Variants in SMYD3 observed in about 807,000 individuals in gnomAD.
SMYD3 encodes the protein histone-lysine N-methyltransferase SMYD3.
In SMYD3, 36 loss-of-function variants were observed where a neutral mutation model predicts 57.7. The observed-to-expected ratio is 0.62, with a 90% CI of 0.48 to 0.82. SMYD3 has a LOEUF of 0.82. Ranked by LOEUF, SMYD3 falls within the 40% of genes least tolerant of loss-of-function variation. The pLI is 0.00. For synonymous variants in SMYD3, 211 were observed against 195.0 expected (o/e 1.08, Z -0.68); for missense variants, 515 against 538.8 (o/e 0.96, Z 0.44).
intron 5 of SMYD3, among the ~76,000 whole-genome samples, chr1:246,281,242 G>T (rs1472710894): frequency 6.6e-6 from 1 of 152,198 alleles, no homozygotes; most frequent in Non-Finnish European, 1.5e-5. Flanking sequence ...CCTCACTGGT[G>T]CCAGGTCACT....
At chr1:246,205,164 C>T (rs2062978485) in intron 5 of SMYD3, among the ~76,000 whole-genome samples, 1 of 152,198 alleles carries the variant, frequency 6.6e-6, no homozygotes, top group Non-Finnish European at 1.5e-5. Flanking sequence ...TAAAAGGAGG[C>T]ATGGAATTTA....
At chr1:246,443,395 A>G (rs1476060172) in intron 1 of SMYD3, among the ~76,000 whole-genome samples, 1 of 152,246 alleles carries the variant, frequency 6.6e-6, no homozygotes, top group African/African-American at 2.4e-5. Context: ...TAACTCCTCA[A>G]AAGGCAACAG....
chr1:245,757,810 G>A (rs115185282), intron 11 of SMYD3, among the ~76,000 whole-genome samples: 1 of 152,192 alleles, frequency 6.6e-6, no homozygotes, highest in Non-Finnish European at 1.5e-5. Flanking sequence ...GTATCACCCT[G>A]TTTTGACTAC....
In SMYD3 at chr1:246,355,464, G is replaced by T. The variant is rs960118680; in HGVS notation, c.165-370C>A. ...AATCCACAGACCCTCTGAAGGAACT[G>T]TATCGCCACTGCAGGCTCCCTGAGA... On this transcript the variant is annotated intron_variant, in intron 1 of 11. Transcript: ENST00000490107. The surrounding 1 kb of genome is among the most constrained non-coding windows in gnomAD (Gnocchi z 5.0). The T allele has an allele frequency of 2.1e-5, 4 of 188,708 alleles. No individual in the cohort carries two copies. The highest frequency in any genetic ancestry group is 5.8e-5 in the Admixed American group (1 of 17,340). The allele number at this position is 188,708 out of a possible 1,614,324, so 11.7% of individuals were successfully genotyped here. A position where few individuals can be genotyped will look rare whatever the true frequency, so the allele number is the denominator to read the frequency against.
chr1:246,239,084 G>C (rs1055803571), intron 5 of SMYD3, among the ~76,000 whole-genome samples: 1 of 151,970 alleles, frequency 6.6e-6, no homozygotes, highest in African/African-American at 2.4e-5. Flanking sequence ...GTACTACAGT[G>C]AGTTTTAAGC....
chr1:246,233,347 C>CT (rs2063452250), intron 5 of SMYD3, among the ~76,000 whole-genome samples: 1 of 101,270 alleles, frequency 9.9e-6, no homozygotes, highest in Non-Finnish European at 1.9e-5. Flanking sequence ...GAAGCGCTCC[C>CT]CAATTCACAC....
chr1:246,272,233 T>C (rs578039252), intron 5 of SMYD3, among the ~76,000 whole-genome samples: 3 of 152,230 alleles, frequency 2.0e-5, no homozygotes, highest in African/African-American at 7.2e-5. Context: ...TGAACAGAGA[T>C]AATTTTACCT....
chr1:246,018,230 C>T (rs2059410913), intron 5 of SMYD3, among the ~76,000 whole-genome samples: 1 of 152,178 alleles, frequency 6.6e-6, no homozygotes, highest in Non-Finnish European at 1.5e-5. Context: ...AGAGTTCACA[C>T]CAGTCTCTCT....
rs138775202 is a variant in SMYD3 at position 246,468,751 on chromosome 1, G to A, written c.164+38303C>T. Among the ~76,000 whole-genome samples, 43 of 152,246 alleles carry A rather than the reference G, an allele frequency of 2.8e-4. No individual in the cohort carries two copies. The East Asian group carries it at 5.0e-3, about 18-fold the overall frequency. On this transcript the variant is annotated intron_variant, in intron 1 of 11. Coordinates refer to ENST00000490107, the MANE Select transcript of SMYD3 (RefSeq NM_001167740.2). ...AACATTTTGGGAGGCTGAGGTGGAAGGGTTGCTTGGGGTCAGGAGTTTAAG... is the reference window on the plus strand; with the variant it reads ...AACATTTTGGGAGGCTGAGGTGGAAAGGTTGCTTGGGGTCAGGAGTTTAAG...
At chr1:246,502,872 G>T (rs2068478554) in intron 1 of SMYD3, among the ~76,000 whole-genome samples, 1 of 152,164 alleles carries the variant, frequency 6.6e-6, no homozygotes, top group Non-Finnish European at 1.5e-5. Context: ...GACGCCAGCT[G>T]TTCCACCAGG....
intron 1 of SMYD3, among the ~76,000 whole-genome samples, chr1:246,422,740 T>C (rs764239443): frequency 4.6e-5 from 7 of 152,182 alleles, no homozygotes; most frequent in Non-Finnish European, 7.3e-5. Flanking sequence ...TTTCAAACAA[T>C]GAACTCATAA....
At chr1:245,858,175 C>T (rs1365172920) in intron 10 of SMYD3, among the ~76,000 whole-genome samples, 2 of 152,168 alleles carry the variant, frequency 1.3e-5, no homozygotes, top group Non-Finnish European at 2.9e-5. Flanking sequence ...TCTACAGCTC[C>T]CCCACCACCC....
chr1:245,852,666 T>TCCCTCTTTCTCTATTTTC, intron 10 of SMYD3, among the ~76,000 whole-genome samples: 1 of 152,178 alleles, frequency 6.6e-6, no homozygotes, highest in South Asian at 2.1e-4. Flanking sequence ...TTCTTCATCT[T>TCCCTCTTTCTCTATTTTC]CCCTCTTTCT....
chr1:246,458,757 C>T (rs946833255), intron 1 of SMYD3, among the ~76,000 whole-genome samples: 44 of 151,770 alleles, frequency 2.9e-4, no homozygotes, highest in African/African-American at 1.0e-3. Context: ...TGAGCCACCG[C>T]GCCCGGCCGG....
At chr1:245,958,971 G>C (rs2057927811) in intron 5 of SMYD3, among the ~76,000 whole-genome samples, 2 of 152,102 alleles carry the variant, frequency 1.3e-5, no homozygotes, top group East Asian at 1.9e-4. Flanking sequence ...TTGGTGGCAT[G>C]ATCTCAGCTC....
chr1:246,363,112 C>A (rs1406950855), intron 1 of SMYD3, among the ~76,000 whole-genome samples: 1 of 151,678 alleles, frequency 6.6e-6, no homozygotes, highest in Non-Finnish European at 1.5e-5. Context: ...TGCCTGGCCG[C>A]CCCGTCTGAG....
At chr1:246,218,092 T>C (rs2063191580) in intron 5 of SMYD3, among the ~76,000 whole-genome samples, 1 of 152,080 alleles carries the variant, frequency 6.6e-6, no homozygotes, top group South Asian at 2.1e-4. Flanking sequence ...TACATGACCA[T>C]CACGAATAAA....
intron 1 of SMYD3, among the ~76,000 whole-genome samples, chr1:246,502,225 A>G (rs1264328580): frequency 1.3e-5 from 2 of 149,126 alleles, no homozygotes; most frequent in Non-Finnish European, 3.0e-5. Context: ...TGCAACCTCC[A>G]CCTCCTGGGC....
At chr1:246,290,079 C>T (rs185411169) in intron 5 of SMYD3, among the ~76,000 whole-genome samples, 87 of 152,224 alleles carry the variant, frequency 5.7e-4, no homozygotes, top group African/African-American at 2.0e-3. Flanking sequence ...AAATGATGTT[C>T]AAATATATGA....
Sources: gnomAD v4.1 joint callset for allele counts (sites outside exome capture counted in the v4.1 genomes callset) on GRCh38, gnomAD v4.1.1 for gene constraint, Gnocchi (gnomAD v3.1) non-coding constraint, MANE v1.5 for transcripts, NCBI Gene and HGNC (gene_info 2026-07-23, HGNC 2026-07-21) for gene names.